ADGRL2: variants seen among roughly 807,000 people sequenced by gnomAD.
ADGRL2 encodes adhesion G protein-coupled receptor L2, also known as calcium-independent alpha-latrotoxin receptor 2.
In ADGRL2, 44 loss-of-function variants were observed where a neutral mutation model predicts 157.4. That is an observed-to-expected ratio of 0.28 (90% CI 0.22 to 0.36). ADGRL2 has a LOEUF of 0.36. Ranked by LOEUF, ADGRL2 falls within the 10% of genes least tolerant of loss-of-function variation. ADGRL2 has a pLI of 1.00. For synonymous variants in ADGRL2, 585 were observed against 624.7 expected, an observed-to-expected ratio of 0.94 and a Z score of 0.95; for missense variants, 1,510 against 1,768.9, an observed-to-expected ratio of 0.85 and a Z score of 2.63.
chr1:81,533,414 GT>G, intron 2 of ADGRL2, among the ~76,000 whole-genome samples: 1 of 152,156 alleles, frequency 6.6e-6, no homozygotes, highest in South Asian at 2.1e-4. Flanking sequence ...CTCTAACATA[GT>G]TTTTACTGAG....
intron 3 of ADGRL2, among the ~76,000 whole-genome samples, chr1:81,681,944 C>A (rs2083125909): frequency 6.6e-6 from 1 of 152,054 alleles, no homozygotes; most frequent in African/African-American, 2.4e-5. Context: ...AGAAAATGAG[C>A]AATGAATCCT....
intron 2 of ADGRL2, among the ~76,000 whole-genome samples, chr1:81,482,628 C>G (rs2078413884): frequency 6.6e-6 from 1 of 151,970 alleles, no homozygotes; most frequent in African/African-American, 2.4e-5. Context: ...GTGTTTCATT[C>G]TAGATAGTAG....
chr1:81,453,765 A>G (rs1002828672), intron 2 of ADGRL2, among the ~76,000 whole-genome samples: 1 of 152,190 alleles, frequency 6.6e-6, no homozygotes, highest in African/African-American at 2.4e-5. Flanking sequence ...AAAGCCAAAA[A>G]GCAGCTCCCA....
At chr1:81,594,092 A>G (rs1423551662) in intron 3 of ADGRL2, among the ~76,000 whole-genome samples, 1 of 152,212 alleles carries the variant, frequency 6.6e-6, no homozygotes, top group Non-Finnish European at 1.5e-5. Context: ...ATTTATAAAT[A>G]TACTTTTGAA....
At chr1:81,911,101 T>C (rs990880640) in intron 3 of ADGRL2, among the ~76,000 whole-genome samples, 1 of 152,140 alleles carries the variant, frequency 6.6e-6, no homozygotes, top group African/African-American at 2.4e-5. Flanking sequence ...GCTGTGGACA[T>C]GGTAAAAATA....
chr1:81,309,985 A>G (rs1659630937), intron 1 of ADGRL2, among the ~76,000 whole-genome samples: 1 of 152,182 alleles, frequency 6.6e-6, no homozygotes, highest in Non-Finnish European at 1.5e-5. Flanking sequence ...CACATCAGAA[A>G]AAATACTTTT....
At chr1:81,619,487 T>C (rs1415817312) in intron 3 of ADGRL2, among the ~76,000 whole-genome samples, 2 of 152,204 alleles carry the variant, frequency 1.3e-5, no homozygotes, top group Non-Finnish European at 1.5e-5. Context: ...CAGGGATCAA[T>C]GTAAAATTCC....
chr1:81,462,281 C>G (rs2077951655), intron 2 of ADGRL2, among the ~76,000 whole-genome samples: 1 of 152,162 alleles, frequency 6.6e-6, no homozygotes, highest in South Asian at 2.1e-4. Flanking sequence ...GCTGGCCACC[C>G]CAGCATGCAG....
At chr1:81,722,143 A>T in intron 1 of ADGRL2, 4 of 361,292 alleles carry the variant, frequency 1.1e-5, no homozygotes, top group South Asian at 9.0e-5. Flanking sequence ...AATATAAAAA[A>T]TTAGCCGGGA....
chr1:81,508,806 G>C (rs553480995), intron 2 of ADGRL2, among the ~76,000 whole-genome samples: 14 of 152,130 alleles, frequency 9.2e-5, no homozygotes, highest in Non-Finnish European at 1.3e-4. Context: ...TAATTTTCTA[G>C]ATGTGCCCCT....
intron 1 of ADGRL2, among the ~76,000 whole-genome samples, chr1:81,391,416 T>G (rs954776164): frequency 6.6e-6 from 1 of 152,304 alleles, no homozygotes. Context: ...TACCAATGTA[T>G]GCAGTGCTTC....
chr1:81,974,792 C>G (rs918817221), intron 17 of ADGRL2, among the ~76,000 whole-genome samples: 1 of 151,850 alleles, frequency 6.6e-6, no homozygotes, highest in Non-Finnish European at 1.5e-5. Context: ...CTTAAAATTT[C>G]TTTGTATTTT....
intron 3 of ADGRL2, among the ~76,000 whole-genome samples, chr1:81,685,484 T>C (rs150127565): frequency 1.2e-3 from 179 of 152,338 alleles, no homozygotes; most frequent in African/African-American, 3.9e-3. Flanking sequence ...GCATTAATCT[T>C]GTATCTGGAG....
intron 2 of ADGRL2, among the ~76,000 whole-genome samples, chr1:81,528,762 T>C (rs1171762338): frequency 2.0e-5 from 3 of 151,966 alleles, no homozygotes; most frequent in African/African-American, 7.3e-5. Flanking sequence ...TAAACATCTA[T>C]TGATTGCAGG....
At chr1:81,532,869 A>C (rs1409937378) in intron 2 of ADGRL2, among the ~76,000 whole-genome samples, 1 of 152,100 alleles carries the variant, frequency 6.6e-6, no homozygotes, top group Non-Finnish European at 1.5e-5. Flanking sequence ...GGCCACAGTG[A>C]ATCGTGACTG....
chr1:81,627,218 C>T (rs1299939934), intron 3 of ADGRL2, among the ~76,000 whole-genome samples: 3 of 152,038 alleles, frequency 2.0e-5, no homozygotes, highest in Admixed American at 6.6e-5. Context: ...TCTTTAAAAG[C>T]CACATACTTA....
At chr1:81,887,590 A>C (rs1245224990) in intron 2 of ADGRL2, among the ~76,000 whole-genome samples, 1 of 152,200 alleles carries the variant, frequency 6.6e-6, no homozygotes, top group Non-Finnish European at 1.5e-5. Context: ...AAAAGGAAAC[A>C]CCGGGCTGCA....
chr1:81,541,787 T>TAAA (rs60783998), intron 2 of ADGRL2, among the ~76,000 whole-genome samples: 1 of 134,098 alleles, frequency 7.5e-6, no homozygotes, highest in Non-Finnish European at 1.6e-5. Flanking sequence ...CCGTCTCTAC[T>TAAA]AAAAAAAAAA....
chr1:81,949,819 G>A (rs1651162938), intron 6 of ADGRL2, among the ~76,000 whole-genome samples: 1 of 152,130 alleles, frequency 6.6e-6, no homozygotes. Flanking sequence ...TAGAATGTGA[G>A]TTTATACAAT....
Sources: gnomAD v4.1 joint callset for allele counts (sites outside exome capture counted in the v4.1 genomes callset) on GRCh38, gnomAD v4.1.1 for gene constraint, MANE v1.5 for transcripts, NCBI Gene and HGNC (gene_info 2026-07-23, HGNC 2026-07-21) for gene names.